Variants in CAP2 observed in about 807,000 individuals in gnomAD.
CAP2 encodes adenylyl cyclase-associated protein 2.
Under a neutral mutation model 57.7 loss-of-function variants are expected in CAP2, and 24 were observed. That is an observed-to-expected ratio of 0.42 (90% CI 0.30 to 0.58). The LOEUF is 0.58. CAP2 is among the 20% of genes least tolerant of loss of function. The pLI, the probability that CAP2 is intolerant of heterozygous loss-of-function variation, is 0.22. For synonymous variants in CAP2, 194 were observed against 207.2 expected (o/e 0.94, Z 0.55); for missense variants, 501 against 590.3 (o/e 0.85, Z 1.57).
intron 1 of CAP2, among the ~76,000 whole-genome samples, chr6:17,419,369 G>C (rs937529672): frequency 1.3e-5 from 2 of 152,138 alleles, no homozygotes; most frequent in Non-Finnish European, 2.9e-5. Context: ...GTGATGCTTG[G>C]AAGGTTCTTA....
chr6:17,418,095 C>T (rs1759335006), intron 1 of CAP2, among the ~76,000 whole-genome samples: 2 of 152,290 alleles, frequency 1.3e-5, no homozygotes, highest in South Asian at 4.1e-4. Flanking sequence ...GCTCTTTCCT[C>T]ATTCTTGAGA....
chr6:17,399,120 G>A (rs1361810977), intron 1 of CAP2, among the ~76,000 whole-genome samples: 1 of 152,212 alleles, frequency 6.6e-6, no homozygotes, highest in Non-Finnish European at 1.5e-5. Context: ...CTGGAGTGCA[G>A]TGGCACCATC....
intron 1 of CAP2, among the ~76,000 whole-genome samples, chr6:17,407,811 A>G (rs1163256672): frequency 4.6e-5 from 7 of 151,164 alleles, no homozygotes; most frequent in Non-Finnish European, 1.0e-4. Flanking sequence ...AATCAAAGTC[A>G]AGTGTGAAAG....
At chr6:17,499,020 C>T (rs1262677245) in intron 4 of CAP2, among the ~76,000 whole-genome samples, 15 of 151,912 alleles carry the variant, frequency 9.9e-5, no homozygotes, top group African/African-American at 2.4e-4. Flanking sequence ...TGAGCCACCA[C>T]GCCCGGCCAG....
chr6:17,394,616 T>A (rs749674565), intron 1 of CAP2, among the ~76,000 whole-genome samples: 1 of 152,222 alleles, frequency 6.6e-6, no homozygotes, highest in Non-Finnish European at 1.5e-5. Flanking sequence ...GGTTTTATAG[T>A]TATGGAAATG....
chr6:17,402,113 G>T (rs541355530), intron 1 of CAP2, among the ~76,000 whole-genome samples: 1 of 152,208 alleles, frequency 6.6e-6, no homozygotes, highest in East Asian at 1.9e-4. Context: ...AGAATATAAA[G>T]GTCCAAATCC....
chr6:17,541,161 T>C lies in CAP2; in HGVS notation c.1002+13T>C. 1 of 1,592,642 alleles carries C rather than the reference T, an allele frequency of 6.3e-7. No homozygotes were observed. The highest frequency in any genetic ancestry group is 8.6e-7 in the Non-Finnish European group (1 of 1,165,780). ...GAAATGGAGAGTGGTAAGTGAAGCATTTTAACCTTTATTTTCCTGACATGC... is the reference window on the plus strand; with the variant it reads ...GAAATGGAGAGTGGTAAGTGAAGCACTTTAACCTTTATTTTCCTGACATGC... On this transcript the variant is annotated intron_variant, in intron 9 of 12. Transcript: ENST00000229922.
intron 3 of CAP2, among the ~76,000 whole-genome samples, chr6:17,442,653 C>T (rs948096722): frequency 7.2e-5 from 11 of 151,732 alleles, no homozygotes; most frequent in African/African-American, 1.9e-4. Flanking sequence ...TTTTAGAGGC[C>T]AAGTGGGGGG....
intron 12 of CAP2, among the ~76,000 whole-genome samples, chr6:17,555,862 C>T (rs1420359208): frequency 6.6e-6 from 1 of 152,112 alleles, no homozygotes; most frequent in East Asian, 1.9e-4. Flanking sequence ...CCACTGCACC[C>T]GGCCAGAATC....
At chr6:17,453,595 C>G (rs1160385537) in intron 3 of CAP2, among the ~76,000 whole-genome samples, 1 of 152,148 alleles carries the variant, frequency 6.6e-6, no homozygotes, top group South Asian at 2.1e-4. Context: ...AAACCCCATG[C>G]TAGGCTCAGC....
At chr6:17,544,924 A>G (rs1311438617) in intron 11 of CAP2, among the ~76,000 whole-genome samples, 1 of 152,164 alleles carries the variant, frequency 6.6e-6, no homozygotes, top group Non-Finnish European at 1.5e-5. Flanking sequence ...ACTATTACGC[A>G]TGCAAATTTT....
intron 4 of CAP2, among the ~76,000 whole-genome samples, chr6:17,478,674 G>A (rs992272973): frequency 2.0e-5 from 3 of 152,024 alleles, no homozygotes; most frequent in Admixed American, 6.6e-5. Context: ...TGCCTAAAAT[G>A]TCTCTGTCCT....
At chr6:17,475,414 T>C (rs1391814192) in intron 4 of CAP2, among the ~76,000 whole-genome samples, 1 of 152,150 alleles carries the variant, frequency 6.6e-6, no homozygotes, top group Non-Finnish European at 1.5e-5. Flanking sequence ...GTATTCCTTA[T>C]GGGAAATGGG....
chr6:17,543,023 G>A (rs1202551766), intron 10 of CAP2, 38 bp from the exon 11 acceptor site: 1 of 1,612,344 alleles, frequency 6.2e-7, no homozygotes, highest in South Asian at 1.1e-5. Flanking sequence ...TATGTATTTA[G>A]TGGAGTTGGT....
chr6:17,416,167 T>TTTTTTTTTTTTTTTTTTG (rs1290905490), intron 1 of CAP2, among the ~76,000 whole-genome samples: 1 of 151,080 alleles, frequency 6.6e-6, no homozygotes, highest in East Asian at 1.9e-4. Context: ...AAAACTCTTT[T>TTTTTTTTTTTTTTTTTTG]AAACATGTTG....
intron 3 of CAP2, among the ~76,000 whole-genome samples, chr6:17,448,689 G>A (rs1760325371): frequency 6.6e-6 from 1 of 151,960 alleles, no homozygotes; most frequent in African/African-American, 2.4e-5. Flanking sequence ...TGCACATACT[G>A]TTTCTGTAAC....
chr6:17,507,593 C>A, intron 5 of CAP2, 48 bp from the exon 6 acceptor site: 1 of 1,125,122 alleles, frequency 8.9e-7, no homozygotes, highest in Non-Finnish European at 1.3e-6. Flanking sequence ...TCTTTCTTAT[C>A]CTATTTTTTT....
chr6:17,450,602 C>A (rs922719438), intron 3 of CAP2, among the ~76,000 whole-genome samples: 3 of 152,168 alleles, frequency 2.0e-5, no homozygotes, highest in Admixed American at 6.5e-5. Flanking sequence ...GCCAGGGCAA[C>A]AGTCCTATTA....
chr6:17,403,103 T>C (rs1408965395), intron 1 of CAP2, among the ~76,000 whole-genome samples: 1 of 152,128 alleles, frequency 6.6e-6, no homozygotes, highest in Non-Finnish European at 1.5e-5. Context: ...TTTATTTTAT[T>C]ATTATTATTT....
Sources: gnomAD v4.1 joint callset for allele counts (sites outside exome capture counted in the v4.1 genomes callset) on GRCh38, gnomAD v4.1.1 for gene constraint, MANE v1.5 for transcripts, NCBI Gene and HGNC (gene_info 2026-07-23, HGNC 2026-07-21) for gene names.